LIPC: variants seen among roughly 807,000 people sequenced by gnomAD.
LIPC encodes the protein lipase C, hepatic type.
LIPC carries 44 observed loss-of-function variants against 50.7 expected under a neutral mutation model. The ratio of observed to expected loss-of-function variants is 0.87; its 90% CI spans 0.68 to 1.11. The LOEUF is 1.11. LIPC is among the 50% of genes most tolerant of loss of function. LIPC has a pLI of 0.00. For synonymous variants in LIPC, 271 were observed against 256.4 expected (o/e 1.06, Z -0.54); for missense variants, 697 against 648.2 (o/e 1.08, Z -0.82).
chr15:58,569,086 T>A lies in LIPC; in HGVS notation c.*259T>A. The stretch of plus-strand genomic sequence containing the variant: ...GTTAATATATGCAAATAAGTACAAA[T>A]GCAAGAGCCATTTTAGATCTGTTGT... On this transcript the variant is annotated 3_prime_UTR_variant, in exon 9 of 9. Coordinates refer to ENST00000299022, the MANE Select transcript of LIPC (RefSeq NM_000236.3). 3.5e-6 allele frequency: 1 copy of A among 286,818 alleles called. No individual in the cohort carries two copies. The highest frequency in any genetic ancestry group is 6.5e-6 in the Non-Finnish European group (1 of 154,642). 17.8% of individuals were successfully genotyped at this position (286,818 alleles called of 1,614,324 possible).
chr15:58,486,857 G>A (rs1891394401), intron 1 of LIPC, among the ~76,000 whole-genome samples: 2 of 152,188 alleles, frequency 1.3e-5, no homozygotes. Context: ...ATAGGTGCTT[G>A]GCAAACAATC....
intron 1 of LIPC, among the ~76,000 whole-genome samples, chr15:58,478,686 G>T (rs1891084202): frequency 1.3e-5 from 2 of 152,204 alleles, no homozygotes. Context: ...AGAGCCAAGA[G>T]TTGAACTCAT....
intron 1 of LIPC, among the ~76,000 whole-genome samples, chr15:58,476,366 C>G (rs1421795921): frequency 6.6e-6 from 1 of 152,238 alleles, no homozygotes; most frequent in Non-Finnish European, 1.5e-5. Flanking sequence ...AGTCTAATAT[C>G]ACATTTAACA....
intron 1 of LIPC, among the ~76,000 whole-genome samples, chr15:58,471,333 G>GGGGGGGA (rs1566919621): frequency 2.2e-5 from 3 of 138,060 alleles, no homozygotes; most frequent in African/African-American, 8.4e-5. Flanking sequence ...AGAGATGGGG[G>GGGGGGGA]GGGGTGGTCT....
intron 1 of LIPC, among the ~76,000 whole-genome samples, chr15:58,489,933 C>T (rs1423721605): frequency 6.6e-6 from 1 of 151,990 alleles, no homozygotes; most frequent in Non-Finnish European, 1.5e-5. Context: ...AAGATGGAGT[C>T]AACTATGTCA....
At chr15:58,477,602 T>C (rs545093587) in intron 1 of LIPC, among the ~76,000 whole-genome samples, 1 of 152,250 alleles carries the variant, frequency 6.6e-6, no homozygotes, top group South Asian at 2.1e-4. Context: ...GCTTCTCCCT[T>C]TACCCTTGTA....
chr15:58,561,049 C>A, intron 7 of LIPC, 68 bp downstream of exon 7: 1 of 852,488 alleles, frequency 1.2e-6, no homozygotes, highest in South Asian at 1.3e-5. Flanking sequence ...TAAATGGACT[C>A]TGTAATTTTC....
At chr15:58,541,730 A>T in intron 2 of LIPC, 55 bp from the exon 3 acceptor site, 1 of 1,545,718 alleles carries the variant, frequency 6.5e-7, no homozygotes, top group South Asian at 1.2e-5. Context: ...AGAAGGAAGA[A>T]GGGTGAGCGG....
At chr15:58,548,268 C>T in intron 5 of LIPC, 62 bp from the exon 6 acceptor site, 3 of 1,612,086 alleles carry the variant, frequency 1.9e-6, no homozygotes, top group Non-Finnish European at 2.5e-6. Flanking sequence ...CCAAGGTGAT[C>T]CTCTGAGTTG....
intron 5 of LIPC, among the ~76,000 whole-genome samples, chr15:58,546,240 C>A (rs1595940170): frequency 6.6e-6 from 1 of 152,222 alleles, no homozygotes; most frequent in East Asian, 1.9e-4. Flanking sequence ...CCACTTCTCA[C>A]TCCAGCCCCA....
intron 1 of LIPC, among the ~76,000 whole-genome samples, chr15:58,496,702 T>G (rs1445080189): frequency 7.2e-6 from 1 of 139,188 alleles, no homozygotes; most frequent in African/African-American, 2.7e-5. Flanking sequence ...CTCACAAAAT[T>G]AAGCAGAGAA....
At chr15:58,529,660 A>C (rs1892900174) in intron 1 of LIPC, among the ~76,000 whole-genome samples, 1 of 152,224 alleles carries the variant, frequency 6.6e-6, no homozygotes, top group Non-Finnish European at 1.5e-5. Flanking sequence ...CTGAGCTTTA[A>C]CAGAGATAGG....
At chr15:58,541,197 G>A (rs933619185) in intron 2 of LIPC, among the ~76,000 whole-genome samples, 2 of 152,056 alleles carry the variant, frequency 1.3e-5, no homozygotes, top group African/African-American at 4.8e-5. Context: ...CCTGCAAATT[G>A]GTTCTCAAAC....
intron 1 of LIPC, among the ~76,000 whole-genome samples, chr15:58,486,921 T>C (rs1891396425): frequency 6.6e-6 from 1 of 152,236 alleles, no homozygotes; most frequent in South Asian, 2.1e-4. Flanking sequence ...CAGATGGCAG[T>C]TGGCTCCACT....
chr15:58,566,914 G>C (rs1242021907), intron 8 of LIPC, among the ~76,000 whole-genome samples: 1 of 152,170 alleles, frequency 6.6e-6, no homozygotes, highest in Non-Finnish European at 1.5e-5. Flanking sequence ...CTATTAGTGA[G>C]AGTGTAAATT....
At chr15:58,453,081 T>A (rs1893972052) in intron 1 of LIPC, among the ~76,000 whole-genome samples, 1 of 152,202 alleles carries the variant, frequency 6.6e-6, no homozygotes. Flanking sequence ...TTCGGTCTTC[T>A]TCCCCGCCTC....
intron 1 of LIPC, among the ~76,000 whole-genome samples, chr15:58,507,658 G>C (rs78151079): frequency 2.6e-5 from 4 of 152,192 alleles, no homozygotes; most frequent in Admixed American, 6.5e-5. Flanking sequence ...GCTGGCTAGC[G>C]ACCTTTTTCC....
intron 1 of LIPC, among the ~76,000 whole-genome samples, chr15:58,462,215 G>A (rs1894377503): frequency 1.3e-5 from 2 of 152,204 alleles, no homozygotes; most frequent in South Asian, 4.1e-4. Flanking sequence ...TGCTTTGAAG[G>A]CAGAGAGAGG....
chr15:58,546,319 T>A (rs1893530577), intron 5 of LIPC, among the ~76,000 whole-genome samples: 1 of 152,254 alleles, frequency 6.6e-6, no homozygotes, highest in African/African-American at 2.4e-5. Context: ...CCTGTGGTTA[T>A]TCTTCCTTCT....
Sources: allele counts gnomAD v4.1 joint callset (sites outside exome capture counted in the v4.1 genomes callset), GRCh38; gene constraint gnomAD v4.1.1; transcripts MANE v1.5; gene names NCBI Gene and HGNC (gene_info 2026-07-23, HGNC 2026-07-21).